The following GPC5 variants were observed in gnomAD, a reference collection of about 807,000 sequenced individuals.
The protein encoded by GPC5 is glypican-5.
A neutral mutation model predicts 53.9 loss-of-function variants in GPC5; 47 were observed. The observed-to-expected ratio is 0.87, with a 90% CI of 0.69 to 1.11. GPC5 has a LOEUF of 1.11. GPC5 is among the 50% of genes most tolerant of loss of function. The pLI is 0.00. For missense variants in GPC5, 748 were observed against 713.1 expected, an observed-to-expected ratio of 1.05 and a Z score of -0.56; for synonymous variants, 286 against 263.3, an observed-to-expected ratio of 1.09 and a Z score of -0.84.
At chr13:91,735,262 AT>A in intron 4 of GPC5, among the ~76,000 whole-genome samples, 1 of 151,254 alleles carries the variant, frequency 6.6e-6, no homozygotes, top group Middle Eastern at 3.4e-3. Flanking sequence ...ATATCTGTAT[AT>A]ATAAGGTAAG....
chr13:92,385,376 A>G (rs937640900), intron 7 of GPC5, among the ~76,000 whole-genome samples: 1 of 80,216 alleles, frequency 1.2e-5, no homozygotes, highest in Non-Finnish European at 2.4e-5. Context: ...ATATATACAT[A>G]TATACATATA....
At chr13:91,957,189 C>T (rs184466610) in intron 6 of GPC5, among the ~76,000 whole-genome samples, 6 of 152,056 alleles carry the variant, frequency 3.9e-5, no homozygotes, top group African/African-American at 1.2e-4. Flanking sequence ...TTAAAAAGTA[C>T]ATTTGAAACT....
Position 92,777,050 on chromosome 13 carries a change from G to T in GPC5, c.1562-89232G>T, listed in dbSNP as rs1036421884. Among the ~76,000 whole-genome samples, 14 of 99,288 alleles carry T rather than the reference G, an allele frequency of 1.4e-4. No homozygotes were observed. In the South Asian group the frequency reaches 2.0e-3, roughly 14 times the overall value. The allele number at this position is 99,288 out of a possible 152,430, so 65.1% of individuals were successfully genotyped here. A position where few individuals can be genotyped will look rare whatever the true frequency, so the allele number is the denominator to read the frequency against. ...AAAAAAAAAAAAAAAAAAAAAAAAA[G>T]GCTGGGTGTGGTGGCTTAAGCCTGT... On this transcript the variant is annotated intron_variant, in intron 7 of 7. Coordinates refer to ENST00000377067, the MANE Select transcript of GPC5 (RefSeq NM_004466.6).
intron 3 of GPC5, among the ~76,000 whole-genome samples, chr13:91,699,756 G>C (rs1025607857): frequency 6.6e-6 from 1 of 152,164 alleles, no homozygotes; most frequent in Admixed American, 6.5e-5. Flanking sequence ...AGATTCATTA[G>C]ACCACAGGAG....
chr13:91,823,911 G>A (rs1165538944), intron 5 of GPC5, among the ~76,000 whole-genome samples: 1 of 151,978 alleles, frequency 6.6e-6, no homozygotes, highest in Non-Finnish European at 1.5e-5. Flanking sequence ...CTGTTTCTAA[G>A]ATCATTTTCC....
intron 2 of GPC5, among the ~76,000 whole-genome samples, chr13:91,544,962 CA>C (rs1270065345): frequency 6.6e-6 from 1 of 152,192 alleles, no homozygotes; most frequent in African/African-American, 2.4e-5. Context: ...CTCACTGTCT[CA>C]ACAGCCAACA....
At chr13:91,498,935 C>T (rs1884462411) in intron 2 of GPC5, among the ~76,000 whole-genome samples, 1 of 151,452 alleles carries the variant, frequency 6.6e-6, no homozygotes, top group Non-Finnish European at 1.5e-5. Flanking sequence ...CTTACCACTG[C>T]ACTCCAGCCT....
intron 7 of GPC5, among the ~76,000 whole-genome samples, chr13:92,512,261 C>T (rs1338595937): frequency 6.0e-5 from 9 of 150,808 alleles, no homozygotes; most frequent in Admixed American, 6.6e-5. Flanking sequence ...CGCGCGCGCG[C>T]GCGTACGCTG....
At chr13:92,723,483 G>C (rs1337217824) in intron 7 of GPC5, among the ~76,000 whole-genome samples, 1 of 151,632 alleles carries the variant, frequency 6.6e-6, no homozygotes, top group African/African-American at 2.4e-5. Flanking sequence ...ACTTTAACCA[G>C]ATCAAGCTTG....
At chr13:92,104,876 C>T (rs1470616811) in intron 6 of GPC5, among the ~76,000 whole-genome samples, 2 of 151,990 alleles carry the variant, frequency 1.3e-5, no homozygotes, top group East Asian at 3.9e-4. Context: ...TTCTGGAATC[C>T]ATCAAGATCT....
At chr13:92,272,144 C>T (rs955276697) in intron 7 of GPC5, among the ~76,000 whole-genome samples, 2 of 152,168 alleles carry the variant, frequency 1.3e-5, no homozygotes, top group Non-Finnish European at 2.9e-5. Flanking sequence ...TCATGATTAA[C>T]ATTTGAATAA....
At chr13:92,150,104 C>T (rs2041896387) in intron 7 of GPC5, among the ~76,000 whole-genome samples, 1 of 151,772 alleles carries the variant, frequency 6.6e-6, no homozygotes, top group African/African-American at 2.4e-5. Flanking sequence ...CTGAAAATAA[C>T]TATTTTTTCA....
At chr13:92,411,327 C>G (rs1248744394) in intron 7 of GPC5, among the ~76,000 whole-genome samples, 3 of 152,120 alleles carry the variant, frequency 2.0e-5, no homozygotes, top group Non-Finnish European at 4.4e-5. Flanking sequence ...TAAGTTTTCT[C>G]TAACATTATA....
chr13:92,304,992 G>A (rs1265671846), intron 7 of GPC5, among the ~76,000 whole-genome samples: 1 of 151,996 alleles, frequency 6.6e-6, no homozygotes, highest in Non-Finnish European at 1.5e-5. Context: ...GTGCGTTCAG[G>A]GTGGTATTGC....
intron 6 of GPC5, among the ~76,000 whole-genome samples, chr13:92,069,389 TATC>T (rs2138863028): frequency 1.3e-5 from 2 of 148,832 alleles, no homozygotes; most frequent in East Asian, 3.9e-4. Flanking sequence ...ACAGCTTTAT[TATC>T]ATAATGTGTG....
Position 92,125,951 on chromosome 13 carries a change from T to G in GPC5, c.1402-18879T>G, listed in dbSNP as rs1424563701. Among the ~76,000 whole-genome samples, 50 of 87,544 alleles carry G rather than the reference T, an allele frequency of 5.7e-4. 1 individual carries two copies. The East Asian group carries it at 9.2e-3, about 16-fold the overall frequency. 57.4% of individuals were successfully genotyped at this position (87,544 alleles called of 152,430 possible). A position where few individuals can be genotyped will look rare whatever the true frequency, so the allele number is the denominator to read the frequency against. ...TTTTTTTTTTTTTTTTTTTTTTTTT[T>G]TTTTTTTTTTTTTTTTTTTTTTGAG... On this transcript the variant is annotated intron_variant, in intron 6 of 7. Coordinates refer to ENST00000377067, the MANE Select transcript of GPC5 (RefSeq NM_004466.6).
intron 7 of GPC5, among the ~76,000 whole-genome samples, chr13:92,451,459 T>C (rs1878058077): frequency 6.6e-6 from 1 of 151,972 alleles, no homozygotes; most frequent in African/African-American, 2.4e-5. Context: ...TAAAAAGTAC[T>C]ATATTAGCTC....
At chr13:92,399,539 C>T (rs1875459955) in intron 7 of GPC5, among the ~76,000 whole-genome samples, 1 of 152,048 alleles carries the variant, frequency 6.6e-6, no homozygotes, top group Non-Finnish European at 1.5e-5. Context: ...AACACACAAA[C>T]ACACACACAC....
chr13:91,849,411 G>A (rs963986611), intron 5 of GPC5, among the ~76,000 whole-genome samples: 4 of 152,116 alleles, frequency 2.6e-5, no homozygotes, highest in Admixed American at 1.3e-4. Flanking sequence ...TAAACCACAC[G>A]TGGTTTAATA....
Sources: gnomAD v4.1 joint callset for allele counts (sites outside exome capture counted in the v4.1 genomes callset) on GRCh38, gnomAD v4.1.1 for gene constraint, MANE v1.5 for transcripts, NCBI Gene and HGNC (gene_info 2026-07-23, HGNC 2026-07-21) for gene names.